The following RBMS3 variants were observed in gnomAD, a reference collection of about 807,000 sequenced individuals.
RBMS3 encodes the protein RNA binding motif single stranded interacting protein 3.
A neutral mutation model predicts 66.8 loss-of-function variants in RBMS3; 27 were observed. The ratio of observed to expected loss-of-function variants is 0.40; its 90% CI spans 0.30 to 0.56. The LOEUF (loss-of-function observed/expected upper bound fraction) is 0.56, where lower values mean the gene tolerates loss of function less well. Among genes scored for constraint, RBMS3 ranks in the 20% least tolerant of loss-of-function variants. The pLI is 0.40. For synonymous variants in RBMS3, 188 were observed against 183.0 expected, an observed-to-expected ratio of 1.03 and a Z score of -0.22; for missense variants, 513 against 549.5, an observed-to-expected ratio of 0.93 and a Z score of 0.66.
chr3:29,568,305 G>A (rs1366295829), intron 3 of RBMS3, among the ~76,000 whole-genome samples: 1 of 152,130 alleles, frequency 6.6e-6, no homozygotes, highest in Non-Finnish European at 1.5e-5. Flanking sequence ...TGAGAAAATA[G>A]CCCCAGTCCT....
chr3:29,651,145 A>T (rs1015520407), intron 4 of RBMS3, among the ~76,000 whole-genome samples: 2 of 152,182 alleles, frequency 1.3e-5, no homozygotes, highest in Non-Finnish European at 2.9e-5. Flanking sequence ...ATCAACAACA[A>T]ATGCTTTCCC....
chr3:29,588,646 C>A (rs1447533918), intron 4 of RBMS3, among the ~76,000 whole-genome samples: 3 of 152,016 alleles, frequency 2.0e-5, no homozygotes, highest in Non-Finnish European at 2.9e-5. Flanking sequence ...AATTTGAATT[C>A]TTTCAGCTGT....
intron 3 of RBMS3, among the ~76,000 whole-genome samples, chr3:29,586,106 G>C (rs3773102): frequency 0.15 from 22,744 of 152,012 alleles, 1,969 homozygotes; most frequent in East Asian, 0.32. Flanking sequence ...ATAAGTATAA[G>C]AATACAGATG....
chr3:29,406,321 G>T (rs1003170289), intron 1 of RBMS3, among the ~76,000 whole-genome samples: 2 of 152,112 alleles, frequency 1.3e-5, no homozygotes, highest in African/African-American at 4.8e-5. Flanking sequence ...CAAATTACAC[G>T]GTGGGATGAT....
At chr3:29,349,006 G>C (rs568065428) in intron 1 of RBMS3, among the ~76,000 whole-genome samples, 1 of 152,252 alleles carries the variant, frequency 6.6e-6, no homozygotes, top group African/African-American at 2.4e-5. Context: ...GAGGGTAGGG[G>C]AGGACAGGTG....
At chr3:29,972,251 G>C (rs921914823) in intron 12 of RBMS3, among the ~76,000 whole-genome samples, 3 of 151,902 alleles carry the variant, frequency 2.0e-5, no homozygotes, top group African/African-American at 7.3e-5. Flanking sequence ...AGGGCTTGCA[G>C]AGACTTTTTC....
intron 1 of RBMS3, among the ~76,000 whole-genome samples, chr3:29,418,716 T>C (rs1474801656): frequency 3.3e-5 from 5 of 152,302 alleles, no homozygotes; most frequent in East Asian, 3.9e-4. Flanking sequence ...CCTATTTTCA[T>C]TGGGTGAAAA....
chr3:29,574,476 G>A (rs1022366296), intron 3 of RBMS3, among the ~76,000 whole-genome samples: 1 of 151,642 alleles, frequency 6.6e-6, no homozygotes, highest in African/African-American at 2.4e-5. Flanking sequence ...TGGGTTTCTT[G>A]TAGGCAACAG....
intron 6 of RBMS3, among the ~76,000 whole-genome samples, chr3:29,813,928 A>G (rs1174772080): frequency 6.6e-6 from 1 of 152,188 alleles, no homozygotes; most frequent in Non-Finnish European, 1.5e-5. Flanking sequence ...GTCTGCAAAC[A>G]GGGACAATTT....
At position 29,852,888 on chromosome 3, in the gene RBMS3, A is replaced by G. The variant is rs567374910; in HGVS notation, c.638-15970A>G. On this transcript the variant is annotated intron_variant, in intron 6 of 14. Coordinates refer to ENST00000383767, the MANE Select transcript of RBMS3 (RefSeq NM_001003793.3). ...TGTTCATTGCAGCACTATTCAAAAT[A>G]GCAAAGTCATGGAATCAACCTAAAT... Among the ~76,000 whole-genome samples, 4 of 152,362 alleles carry G rather than the reference A, an allele frequency of 2.6e-5. No individual in the cohort carries two copies. The East Asian group carries it at 7.7e-4, about 29-fold the overall frequency.
intron 1 of RBMS3, among the ~76,000 whole-genome samples, chr3:29,285,175 G>A (rs1358884144): frequency 7.2e-6 from 1 of 138,154 alleles, no homozygotes; most frequent in Non-Finnish European, 1.5e-5. Context: ...ACCTGTTGCT[G>A]TTGACTTATG....
chr3:29,436,336 G>A (rs1004822980), intron 2 of RBMS3, among the ~76,000 whole-genome samples: 3 of 152,132 alleles, frequency 2.0e-5, no homozygotes, highest in Non-Finnish European at 4.4e-5. Context: ...CAAAACAGTA[G>A]GTACATTAGG....
chr3:29,348,853 T>C (rs1038236463), intron 1 of RBMS3, among the ~76,000 whole-genome samples: 2 of 152,158 alleles, frequency 1.3e-5, no homozygotes, highest in Non-Finnish European at 2.9e-5. Context: ...AGATTAACAT[T>C]GTGTCCCATC....
intron 3 of RBMS3, among the ~76,000 whole-genome samples, chr3:29,580,888 AC>A (rs1559485288): frequency 6.6e-6 from 1 of 152,120 alleles, no homozygotes; most frequent in Non-Finnish European, 1.5e-5. Flanking sequence ...GGATATTGTT[AC>A]CCATGTTATT....
chr3:29,424,528 T>C (rs530515781), intron 1 of RBMS3, among the ~76,000 whole-genome samples: 2 of 152,276 alleles, frequency 1.3e-5, no homozygotes, highest in South Asian at 2.1e-4. Flanking sequence ...GGACACATTA[T>C]GGAGTTGGGA....
chr3:29,908,614 A>G (rs2060441515), intron 10 of RBMS3, among the ~76,000 whole-genome samples: 1 of 152,122 alleles, frequency 6.6e-6, no homozygotes, highest in Non-Finnish European at 1.5e-5. Context: ...TATTTTCCTC[A>G]CATGCTCGCT....
At chr3:29,617,691 T>C (rs1355449871) in intron 4 of RBMS3, among the ~76,000 whole-genome samples, 1 of 152,216 alleles carries the variant, frequency 6.6e-6, no homozygotes, top group Non-Finnish European at 1.5e-5. Flanking sequence ...TTGGGTTTTG[T>C]GTTGTTCATT....
intron 6 of RBMS3, among the ~76,000 whole-genome samples, chr3:29,852,148 C>T (rs1413020219): frequency 6.6e-6 from 1 of 152,092 alleles, no homozygotes; most frequent in African/African-American, 2.4e-5. Flanking sequence ...GAAACTGAAC[C>T]CCTTCCTTAC....
At chr3:29,357,175 T>A (rs2037272896) in intron 1 of RBMS3, among the ~76,000 whole-genome samples, 1 of 152,164 alleles carries the variant, frequency 6.6e-6, no homozygotes, top group African/African-American at 2.4e-5. Context: ...ATTAGGTATA[T>A]CTCCTAATGC....
Sources: gnomAD v4.1 joint callset for allele counts (sites outside exome capture counted in the v4.1 genomes callset) on GRCh38, gnomAD v4.1.1 for gene constraint, MANE v1.5 for transcripts, NCBI Gene and HGNC (gene_info 2026-07-23, HGNC 2026-07-21) for gene names.